SEMA3E: variants seen among roughly 807,000 people sequenced by gnomAD.
SEMA3E encodes the protein semaphorin 3E.
A neutral mutation model predicts 93.6 loss-of-function variants in SEMA3E; 49 were observed. The observed-to-expected ratio is 0.52, with a 90% confidence interval of 0.42 to 0.66. The LOEUF (loss-of-function observed/expected upper bound fraction) is 0.66. Among genes scored for constraint, SEMA3E ranks in the 30% least tolerant of loss-of-function variants. The pLI is 0.00. For missense variants in SEMA3E, 906 were observed against 964.8 expected (o/e 0.94, Z 0.81); for synonymous variants, 363 against 330.7 (o/e 1.10, Z -1.06).
intron 4 of SEMA3E, among the ~76,000 whole-genome samples, chr7:83,428,658 A>C (rs1415177271): frequency 6.6e-6 from 1 of 152,210 alleles, no homozygotes. Context: ...TAAATAAACA[A>C]GCAGAAAAAA....
chr7:83,639,625 A>G (rs947360783), intron 1 of SEMA3E, among the ~76,000 whole-genome samples: 3 of 151,106 alleles, frequency 2.0e-5, no homozygotes, highest in African/African-American at 7.3e-5. Context: ...ATTATAAGAT[A>G]CTATAACACC....
intron 4 of SEMA3E, among the ~76,000 whole-genome samples, chr7:83,449,483 T>G (rs1261837485): frequency 2.0e-5 from 3 of 152,014 alleles, no homozygotes; most frequent in Admixed American, 2.0e-4. Flanking sequence ...TATACATATA[T>G]AAATTTAATT....
At chr7:83,616,045 A>T (rs1222979669) in intron 1 of SEMA3E, among the ~76,000 whole-genome samples, 1 of 152,046 alleles carries the variant, frequency 6.6e-6, no homozygotes, top group Non-Finnish European at 1.5e-5. Context: ...ATGCCCTTGA[A>T]GAGATTAGAC....
chr7:83,620,071 GGGAGAAA>G (rs1793519712), intron 1 of SEMA3E, among the ~76,000 whole-genome samples: 1 of 151,740 alleles, frequency 6.6e-6, no homozygotes, highest in Non-Finnish European at 1.5e-5. Flanking sequence ...AATAAGTCCT[GGGAGAAA>G]AGAGGGAGTT....
chr7:83,469,340 T>C (rs1481130463), intron 2 of SEMA3E, 38 bp from the exon 3 acceptor site: 2 of 1,404,998 alleles, frequency 1.4e-6, no homozygotes, highest in Admixed American at 1.7e-5. Context: ...GACAACTGCA[T>C]ATAAAAATAA....
intron 1 of SEMA3E, among the ~76,000 whole-genome samples, chr7:83,570,388 C>T (rs532252246): frequency 6.7e-6 from 1 of 148,946 alleles, no homozygotes; most frequent in African/African-American, 2.5e-5. Flanking sequence ...CCCGTCTCTA[C>T]TAAAAATACA....
intron 4 of SEMA3E, among the ~76,000 whole-genome samples, chr7:83,444,875 T>C (rs1789192746): frequency 6.6e-6 from 1 of 152,166 alleles, no homozygotes. Context: ...TTTGCCACGT[T>C]GGCCAGGCTG....
At chr7:83,371,051 G>A (rs1040355240) in intron 16 of SEMA3E, among the ~76,000 whole-genome samples, 2 of 152,180 alleles carry the variant, frequency 1.3e-5, no homozygotes, top group African/African-American at 4.8e-5. Flanking sequence ...TTGTGGGGAT[G>A]TGGAGATCAG....
intron 1 of SEMA3E, among the ~76,000 whole-genome samples, chr7:83,519,716 A>G (rs868363935): frequency 4.6e-5 from 7 of 152,164 alleles, no homozygotes; most frequent in South Asian, 2.1e-4. Flanking sequence ...AGCCCCTACT[A>G]AACCATGAAA....
intron 2 of SEMA3E, among the ~76,000 whole-genome samples, chr7:83,475,785 A>G (rs1323366249): frequency 6.6e-6 from 1 of 152,190 alleles, no homozygotes; most frequent in East Asian, 1.9e-4. Context: ...TTTTGTCACA[A>G]AGATAAGATA....
chr7:83,502,238 C>T lies in SEMA3E; in HGVS notation c.116-11964G>A, dbSNP rs181528192. 2.4e-4 allele frequency among the ~76,000 whole-genome samples: 36 copies of T among 152,256 alleles called. 1 individual carries two copies. The highest frequency in any genetic ancestry group is 7.2e-4 in the Admixed American group (11 of 15,286). ...TCCTATTATTCTGTCTTCTATGCTCCGTGCCTCCCTCGACCACCACCAATC... is the reference window on the plus strand; with the variant it reads ...TCCTATTATTCTGTCTTCTATGCTCTGTGCCTCCCTCGACCACCACCAATC... On this transcript the variant is annotated intron_variant, in intron 1 of 16. Transcript: ENST00000643230.
At chr7:83,466,731 GA>G (rs1789768477) in intron 3 of SEMA3E, 130 bp from the exon 4 acceptor site, 1 of 1,108,410 alleles carries the variant, frequency 9.0e-7, no homozygotes, top group African/African-American at 1.5e-5. Flanking sequence ...AAGGAGGCAA[GA>G]GGGGTAGAAG....
At chr7:83,526,745 C>A (rs973564585) in intron 1 of SEMA3E, among the ~76,000 whole-genome samples, 11 of 152,018 alleles carry the variant, frequency 7.2e-5, no homozygotes, top group Admixed American at 3.3e-4. Flanking sequence ...TTTAAAAGTT[C>A]TTTTTGTTTT....
intron 1 of SEMA3E, among the ~76,000 whole-genome samples, chr7:83,532,645 G>T (rs1054985359): frequency 4.0e-5 from 6 of 151,800 alleles, no homozygotes; most frequent in African/African-American, 1.5e-4. Context: ...TACTCTTTCT[G>T]ACTTATTCTC....
intron 1 of SEMA3E, chr7:83,641,280 T>A (rs373883582): frequency 3.9e-6 from 2 of 511,082 alleles, no homozygotes. Flanking sequence ...GATGAGCACT[T>A]GTTGAATGCC....
intron 1 of SEMA3E, among the ~76,000 whole-genome samples, chr7:83,506,562 T>TA (rs1790710068): frequency 6.6e-6 from 1 of 152,014 alleles, no homozygotes; most frequent in Non-Finnish European, 1.5e-5. Context: ...ACAGCATGGT[T>TA]AAAAAAACAT....
chr7:83,454,272 A>AAAATATATAT (rs1257792756), intron 4 of SEMA3E, among the ~76,000 whole-genome samples: 41 of 110,106 alleles, frequency 3.7e-4, no homozygotes, highest in African/African-American at 1.7e-3. Context: ...AAAAAAAAAA[A>AAAATATATAT]ATATATATAT....
intron 9 of SEMA3E, among the ~76,000 whole-genome samples, chr7:83,404,333 G>A (rs1345625701): frequency 6.6e-6 from 1 of 151,818 alleles, no homozygotes; most frequent in Non-Finnish European, 1.5e-5. Flanking sequence ...ACTACCTACT[G>A]AAAAATAACA....
chr7:83,598,738 T>C (rs777571860), intron 1 of SEMA3E, among the ~76,000 whole-genome samples: 16 of 152,208 alleles, frequency 1.1e-4, no homozygotes, highest in Non-Finnish European at 2.2e-4. Context: ...CTAAGATATT[T>C]ACCACAAGAA....
Sources: allele counts gnomAD v4.1 joint callset (sites outside exome capture counted in the v4.1 genomes callset), GRCh38; gene constraint gnomAD v4.1.1; transcripts MANE v1.5; gene names NCBI Gene and HGNC (gene_info 2026-07-23, HGNC 2026-07-21).